The following STPG2 variants were observed in gnomAD, a reference collection of about 807,000 sequenced individuals.
STPG2 encodes sperm tail PG-rich repeat containing 2.
STPG2 carries 56 observed loss-of-function variants against 54.2 expected under a neutral mutation model. The ratio of observed to expected loss-of-function variants is 1.03; its 90% CI spans 0.83 to 1.29. STPG2 has a LOEUF of 1.29. STPG2 is among the 50% of genes most tolerant of loss of function. The pLI is 0.00. For synonymous variants in STPG2, 200 were observed against 181.8 expected (o/e 1.10, Z -0.81); for missense variants, 596 against 544.9 (o/e 1.09, Z -0.93).
intron 8 of STPG2, among the ~76,000 whole-genome samples, chr4:97,914,596 C>T (rs1033076764): frequency 2.0e-5 from 3 of 152,122 alleles, no homozygotes; most frequent in African/African-American, 7.2e-5. Context: ...TCTCCATTCT[C>T]TCCTCCCCAC....
At chr4:97,750,723 A>G (rs570451152) in intron 9 of STPG2, among the ~76,000 whole-genome samples, 2 of 151,848 alleles carry the variant, frequency 1.3e-5, no homozygotes, top group South Asian at 4.1e-4. Flanking sequence ...AAAAATATAT[A>G]ATGTATTAAT....
intron 10 of STPG2, among the ~76,000 whole-genome samples, chr4:97,644,386 T>G (rs1245081042): frequency 6.6e-6 from 1 of 152,022 alleles, no homozygotes; most frequent in African/African-American, 2.4e-5. Flanking sequence ...TCACTGCTTT[T>G]GACAAATGAA....
intron 8 of STPG2, among the ~76,000 whole-genome samples, chr4:97,898,365 G>T (rs114415224): frequency 6.4e-5 from 9 of 140,696 alleles, no homozygotes; most frequent in Admixed American, 5.6e-4. Context: ...CCAATAAGTT[G>T]TCCAATTACA....
At chr4:97,607,925 C>A (rs1733635488) in intron 10 of STPG2, among the ~76,000 whole-genome samples, 1 of 151,994 alleles carries the variant, frequency 6.6e-6, no homozygotes, top group African/African-American at 2.4e-5. Context: ...GTTTTATACA[C>A]CTGTCAGCCC....
chr4:98,117,832 A>C (rs903181693), intron 3 of STPG2, among the ~76,000 whole-genome samples: 1 of 152,008 alleles, frequency 6.6e-6, no homozygotes, highest in African/African-American at 2.4e-5. Context: ...CTATTCTTAT[A>C]CTTCCATTTA....
intron 10 of STPG2, among the ~76,000 whole-genome samples, chr4:97,676,490 C>A (rs1722850855): frequency 6.7e-6 from 1 of 149,600 alleles, no homozygotes; most frequent in Admixed American, 6.7e-5. Context: ...CTGTGTGATA[C>A]ACAACTATTT....
At chr4:98,085,900 T>C (rs1738489057) in intron 5 of STPG2, among the ~76,000 whole-genome samples, 1 of 152,082 alleles carries the variant, frequency 6.6e-6, no homozygotes, top group South Asian at 2.1e-4. Context: ...GCCTAATCAG[T>C]AGTTATCACA....
intron 10 of STPG2, among the ~76,000 whole-genome samples, chr4:97,616,281 T>C (rs1029206338): frequency 6.6e-6 from 1 of 151,410 alleles, no homozygotes; most frequent in East Asian, 1.9e-4. Context: ...TAAATGCTTT[T>C]AGTGAGATCA....
At chr4:97,714,447 G>T (rs1321456695) in intron 9 of STPG2, among the ~76,000 whole-genome samples, 6 of 151,938 alleles carry the variant, frequency 3.9e-5, no homozygotes, top group Admixed American at 3.9e-4. Flanking sequence ...TAAAATAAGG[G>T]AGGACATCCA....
At chr4:97,972,248 T>A (rs768689530) in intron 7 of STPG2, 32 bp downstream of exon 7, 1 of 1,429,038 alleles carries the variant, frequency 7.0e-7, no homozygotes, top group Admixed American at 2.4e-5. Flanking sequence ...ATATTCAACA[T>A]AAAGAATATT....
At chr4:98,118,367 A>G (rs1304839191) in intron 3 of STPG2, among the ~76,000 whole-genome samples, 1 of 152,078 alleles carries the variant, frequency 6.6e-6, no homozygotes, top group Non-Finnish European at 1.5e-5. Context: ...TTGCAGTGAT[A>G]GTTTACCAAT....
intron 5 of STPG2, among the ~76,000 whole-genome samples, chr4:97,998,677 C>T (rs966647932): frequency 5.9e-5 from 9 of 152,118 alleles, no homozygotes; most frequent in African/African-American, 2.2e-4. Flanking sequence ...GAGTGGTTTG[C>T]ATCAGCTTGT....
chr4:97,947,162 G>A (rs903317121), intron 7 of STPG2, among the ~76,000 whole-genome samples: 2 of 151,914 alleles, frequency 1.3e-5, no homozygotes, highest in Admixed American at 6.6e-5. Context: ...AGGAGATTGA[G>A]TTTATTTCAT....
chr4:98,143,454 C>T lies in STPG2; in HGVS notation c.-304G>A, dbSNP rs1347088989. ...AAAATTGGGTATTAGGGATTAGACGCTCGCCCCGGTGCTTCCGGCCCTGAC... is the reference window on the plus strand; with the variant it reads ...AAAATTGGGTATTAGGGATTAGACGTTCGCCCCGGTGCTTCCGGCCCTGAC... On this transcript the variant is annotated 5_prime_UTR_variant, in exon 1 of 11. Transcript: ENST00000295268. Among the ~76,000 whole-genome samples, 2 of 152,198 alleles carry T rather than the reference C, an allele frequency of 1.3e-5. No homozygotes were observed. The highest frequency in any genetic ancestry group is 2.9e-5 in the Non-Finnish European group (2 of 68,030).
chr4:97,475,806 GC>G, intron 4 of STPG2, among the ~76,000 whole-genome samples: 1 of 152,194 alleles, frequency 6.6e-6, no homozygotes. Context: ...ACCGCTGACT[GC>G]TTAGATGCCT....
intron 8 of STPG2, among the ~76,000 whole-genome samples, chr4:97,904,192 A>C (rs1380857352): frequency 1.3e-5 from 2 of 152,204 alleles, no homozygotes; most frequent in Non-Finnish European, 2.9e-5. Flanking sequence ...GCAGACTTAA[A>C]TGTCCCTGTC....
intron 9 of STPG2, among the ~76,000 whole-genome samples, chr4:97,815,394 A>G (rs767277850): frequency 1.3e-5 from 2 of 152,314 alleles, no homozygotes; most frequent in East Asian, 1.9e-4. Flanking sequence ...AGAAAATTCA[A>G]AATCTGAAAT....
At chr4:97,720,900 A>G (rs1301952322) in intron 9 of STPG2, among the ~76,000 whole-genome samples, 1 of 151,928 alleles carries the variant, frequency 6.6e-6, no homozygotes, top group Non-Finnish European at 1.5e-5. Context: ...CTAGAATCCA[A>G]TAGCACTACA....
chr4:97,915,219 G>A (rs570833247), intron 8 of STPG2, among the ~76,000 whole-genome samples: 1 of 152,238 alleles, frequency 6.6e-6, no homozygotes, highest in South Asian at 2.1e-4. Flanking sequence ...CAGACATGGT[G>A]CCTGCTCTTA....
Sources: gnomAD v4.1 joint callset for allele counts (sites outside exome capture counted in the v4.1 genomes callset) on GRCh38, gnomAD v4.1.1 for gene constraint, MANE v1.5 for transcripts, NCBI Gene and HGNC (gene_info 2026-07-23, HGNC 2026-07-21) for gene names.